The following EYA4 variants were observed in gnomAD, a reference collection of about 807,000 sequenced individuals.
EYA4 encodes EYA transcriptional coactivator and phosphatase 4.
Under a neutral mutation model 87.9 loss-of-function variants are expected in EYA4, and 31 were observed. The ratio of observed to expected loss-of-function variants is 0.35; its 90% confidence interval spans 0.27 to 0.48. The LOEUF is 0.48. Among genes scored for constraint, EYA4 ranks in the 20% least tolerant of loss-of-function variants. EYA4 has a pLI of 0.99. For synonymous variants in EYA4, 263 were observed against 270.6 expected, an observed-to-expected ratio of 0.97 and a Z score of 0.28; for missense variants, 678 against 761.4, an observed-to-expected ratio of 0.89 and a Z score of 1.29.
intron 2 of EYA4, among the ~76,000 whole-genome samples, chr6:133,279,104 C>G (rs1172658385): frequency 6.6e-6 from 1 of 151,890 alleles, no homozygotes; most frequent in Non-Finnish European, 1.5e-5. Context: ...TTTTCTCATC[C>G]AAAACATTCA....
chr6:133,253,207 G>A (rs1201919643), intron 1 of EYA4, among the ~76,000 whole-genome samples: 4 of 152,088 alleles, frequency 2.6e-5, no homozygotes, highest in Non-Finnish European at 5.9e-5. Flanking sequence ...GGAGTGTTGC[G>A]GAGAATTTGA....
At chr6:133,407,481 T>C (rs1388775363) in intron 3 of EYA4, among the ~76,000 whole-genome samples, 6 of 152,010 alleles carry the variant, frequency 3.9e-5, no homozygotes, top group African/African-American at 1.4e-4. Context: ...AGCCTTCAGA[T>C]TTTTCCCCAG....
intron 2 of EYA4, among the ~76,000 whole-genome samples, chr6:133,342,583 A>G (rs1218365433): frequency 1.5e-5 from 1 of 66,886 alleles, no homozygotes; most frequent in African/African-American, 6.7e-5. Flanking sequence ...CCATATATAT[A>G]TATATATATA....
At chr6:133,404,814 G>A (rs926013529) in intron 3 of EYA4, among the ~76,000 whole-genome samples, 2 of 152,162 alleles carry the variant, frequency 1.3e-5, no homozygotes, top group African/African-American at 2.4e-5. Context: ...ACCTTAAAGT[G>A]GATTGCTTGT....
chr6:133,352,258 T>A (rs933969478), intron 2 of EYA4, among the ~76,000 whole-genome samples: 1 of 152,210 alleles, frequency 6.6e-6, no homozygotes, highest in African/African-American at 2.4e-5. Context: ...TCACATACAA[T>A]GTGATTTGGT....
intron 4 of EYA4, among the ~76,000 whole-genome samples, chr6:133,447,791 CTAAT>C (rs1792999464): frequency 6.6e-6 from 1 of 152,068 alleles, no homozygotes; most frequent in South Asian, 2.1e-4. Flanking sequence ...GTAATTTCAG[CTAAT>C]TAATTATGCA....
chr6:133,473,447 A>C (rs1795451381), intron 11 of EYA4, among the ~76,000 whole-genome samples: 2 of 152,098 alleles, frequency 1.3e-5, no homozygotes, highest in South Asian at 4.1e-4. Flanking sequence ...ATTAACAAGT[A>C]AACTAATTTG....
chr6:133,316,573 G>T (rs550428752), intron 2 of EYA4, among the ~76,000 whole-genome samples: 3 of 152,106 alleles, frequency 2.0e-5, no homozygotes, highest in Admixed American at 6.5e-5. Flanking sequence ...CCAATTCCAC[G>T]ACTGTCGTTT....
Position 133,529,537 on chromosome 6 carries a change from A to C in EYA4, c.*732A>C, listed in dbSNP as rs902919934. On this transcript the variant is annotated 3_prime_UTR_variant, in exon 20 of 20. Coordinates refer to ENST00000355286, the MANE Select transcript of EYA4 (RefSeq NM_004100.5). ...TGTAGATAATGAAAAAAAACAAAAA[A>C]AAAAACCTTTGTGATGATTCTTAAC... 3.0e-6 allele frequency: 3 copies of C among 984,800 alleles called. No homozygotes were observed. Among genetic ancestry groups the C allele is most frequent in the Non-Finnish European group, 3.6e-6 (3 of 829,036 alleles). 61.0% of individuals were successfully genotyped at this position (984,800 alleles called of 1,614,324 possible).
At chr6:133,431,409 T>A (rs6933900) in intron 3 of EYA4, among the ~76,000 whole-genome samples, 23,124 of 152,128 alleles carry the variant, frequency 0.15, 2,813 homozygotes, top group African/African-American at 0.32. Flanking sequence ...CTTGAAATAT[T>A]TAATAAAGTA....
intron 1 of EYA4, among the ~76,000 whole-genome samples, chr6:133,250,368 G>A (rs927689039): frequency 2.0e-5 from 3 of 152,104 alleles, no homozygotes; most frequent in Admixed American, 6.6e-5. Flanking sequence ...GGGGCTGGGC[G>A]CGGTGGCTCA....
At position 133,254,768 on chromosome 6, in the gene EYA4, G is replaced by C. The variant is rs530508329; in HGVS notation, c.-66+13019G>C. Reference sequence around the variant, plus strand: ...ATGATCAGATCAGAAGAGAGATCTAGCCTAACCCTTCCATTTTGCAGATGA... The same window carrying C: ...ATGATCAGATCAGAAGAGAGATCTACCCTAACCCTTCCATTTTGCAGATGA... On this transcript the variant is annotated intron_variant, in intron 1 of 19. Coordinates refer to ENST00000355286, the MANE Select transcript of EYA4 (RefSeq NM_004100.5). Among the ~76,000 whole-genome samples the C allele has an allele frequency of 2.0e-5, 3 of 152,250 alleles. No individual in the cohort carries two copies. In the East Asian group the frequency reaches 5.8e-4, roughly 29 times the overall value.
intron 3 of EYA4, among the ~76,000 whole-genome samples, chr6:133,446,302 A>G (rs1291172389): frequency 6.6e-6 from 1 of 151,958 alleles, no homozygotes; most frequent in Non-Finnish European, 1.5e-5. Context: ...ATTTTTTGTT[A>G]TTTTTATATG....
chr6:133,522,152 A>G (rs1800229282), intron 17 of EYA4, among the ~76,000 whole-genome samples: 1 of 148,422 alleles, frequency 6.7e-6, no homozygotes, highest in African/African-American at 2.5e-5. Context: ...ATTCTGGTGC[A>G]TCTACATGGT....
intron 2 of EYA4, among the ~76,000 whole-genome samples, chr6:133,336,336 G>A (rs1434194586): frequency 2.0e-5 from 3 of 152,120 alleles, no homozygotes; most frequent in Non-Finnish European, 4.4e-5. Context: ...CACAATTAGT[G>A]GTACAGCCTG....
chr6:133,364,739 A>G (rs1349461514), intron 2 of EYA4, among the ~76,000 whole-genome samples: 2 of 152,176 alleles, frequency 1.3e-5, no homozygotes, highest in Non-Finnish European at 2.9e-5. Context: ...GCTGATAGTC[A>G]AAGTATTTGA....
intron 2 of EYA4, among the ~76,000 whole-genome samples, chr6:133,290,200 T>C (rs1294648337): frequency 6.6e-6 from 1 of 152,200 alleles, no homozygotes; most frequent in Non-Finnish European, 1.5e-5. Context: ...AGATGAGGGA[T>C]TGCCCAACTT....
chr6:133,343,038 A>G (rs1276123148), intron 2 of EYA4, among the ~76,000 whole-genome samples: 1 of 152,102 alleles, frequency 6.6e-6, no homozygotes, highest in African/African-American at 2.4e-5. Flanking sequence ...ATCAATGGCT[A>G]TTGGAGTTAT....
At chr6:133,475,966 C>T (rs1441593554) in intron 11 of EYA4, among the ~76,000 whole-genome samples, 1 of 152,034 alleles carries the variant, frequency 6.6e-6, no homozygotes, top group Non-Finnish European at 1.5e-5. Context: ...ATTCTTTGGC[C>T]CTCCATCTCA....
Sources: gnomAD v4.1 joint callset for allele counts (sites outside exome capture counted in the v4.1 genomes callset) on GRCh38, gnomAD v4.1.1 for gene constraint, MANE v1.5 for transcripts, NCBI Gene and HGNC (gene_info 2026-07-23, HGNC 2026-07-21) for gene names.